The following DGKI variants were observed in gnomAD, a reference collection of about 807,000 sequenced individuals.
DGKI encodes the protein diacylglycerol kinase iota.
A neutral mutation model predicts 147.5 loss-of-function variants in DGKI; 55 were observed. The observed-to-expected ratio is 0.37, with a 90% CI of 0.30 to 0.47. DGKI has a LOEUF of 0.47. Among genes scored for constraint, DGKI ranks in the 20% least tolerant of loss-of-function variants. The pLI is 1.00. For synonymous variants in DGKI, 469 were observed against 477.1 expected (o/e 0.98, Z 0.22); for missense variants, 1,007 against 1,323.8 (o/e 0.76, Z 3.71).
At chr7:137,607,444 T>C (rs1188954105) in intron 10 of DGKI, among the ~76,000 whole-genome samples, 1 of 152,158 alleles carries the variant, frequency 6.6e-6, no homozygotes, top group Non-Finnish European at 1.5e-5. Flanking sequence ...TCATTAATAA[T>C]TTACACATAG....
At chr7:137,634,391 T>C (rs929206339) in intron 6 of DGKI, among the ~76,000 whole-genome samples, 1 of 152,146 alleles carries the variant, frequency 6.6e-6, no homozygotes, top group Admixed American at 6.5e-5. Flanking sequence ...CAACACAGAC[T>C]CTAGGATTCT....
At chr7:137,424,867 G>C (rs539641469) in intron 28 of DGKI, among the ~76,000 whole-genome samples, 3 of 152,242 alleles carry the variant, frequency 2.0e-5, no homozygotes, top group African/African-American at 4.8e-5. Context: ...GGCTTGCTTA[G>C]GTAAACAAAG....
Position 137,549,502 on chromosome 7 carries a change from A to G in DGKI, c.2147+2867T>C, listed in dbSNP as rs754641655. 2.6e-5 allele frequency among the ~76,000 whole-genome samples: 4 copies of G among 152,238 alleles called. No homozygotes were observed. The East Asian group carries it at 7.7e-4, about 29-fold the overall frequency. Reference sequence around the variant, plus strand: ...TCTTACTGGGAACACACACACACACACAGAGGTTTTTAAGCTAAAAATGCT... The same window carrying G: ...TCTTACTGGGAACACACACACACACGCAGAGGTTTTTAAGCTAAAAATGCT... On this transcript the variant is annotated intron_variant, in intron 20 of 32. Transcript: ENST00000614521.
At chr7:137,498,184 G>C (rs1816041187) in intron 21 of DGKI, among the ~76,000 whole-genome samples, 1 of 151,594 alleles carries the variant, frequency 6.6e-6, no homozygotes, top group Admixed American at 6.6e-5. Flanking sequence ...AAAATAAATA[G>C]AGACCTCATT....
chr7:137,842,162 T>C (rs1283240318), intron 1 of DGKI, among the ~76,000 whole-genome samples: 3 of 152,066 alleles, frequency 2.0e-5, no homozygotes, highest in Non-Finnish European at 4.4e-5. Context: ...CAAAATAAAA[T>C]GGATTTACAA....
intron 30 of DGKI, among the ~76,000 whole-genome samples, chr7:137,406,440 C>A (rs977608512): frequency 6.6e-6 from 1 of 152,162 alleles, no homozygotes; most frequent in African/African-American, 2.4e-5. Context: ...TCCAACCCAG[C>A]CTACAAGGAG....
chr7:137,557,298 AC>A (rs1229987490), intron 19 of DGKI, among the ~76,000 whole-genome samples: 3 of 151,530 alleles, frequency 2.0e-5, no homozygotes, highest in African/African-American at 7.3e-5. Flanking sequence ...GTTGGAAAGA[AC>A]AGGGGCAATG....
intron 1 of DGKI, among the ~76,000 whole-genome samples, chr7:137,767,565 G>T (rs944736046): frequency 1.3e-5 from 2 of 151,154 alleles, no homozygotes; most frequent in Non-Finnish European, 2.9e-5. Flanking sequence ...GAAGAGAAGA[G>T]AAGAGAAGGA....
intron 1 of DGKI, among the ~76,000 whole-genome samples, chr7:137,743,749 C>T (rs541630807): frequency 7.8e-4 from 118 of 152,034 alleles, no homozygotes; most frequent in Admixed American, 2.3e-3. Context: ...TTTGGGAGGC[C>T]GAGGCAGGTG....
chr7:137,800,641 T>C (rs58921320), intron 1 of DGKI, among the ~76,000 whole-genome samples: 108 of 152,306 alleles, frequency 7.1e-4, no homozygotes, highest in African/African-American at 2.5e-3. Context: ...TTTACAGCAA[T>C]GCAAGAACTG....
At chr7:137,683,834 A>C (rs914362620) in intron 2 of DGKI, among the ~76,000 whole-genome samples, 1 of 136,530 alleles carries the variant, frequency 7.3e-6, no homozygotes, top group Non-Finnish European at 1.6e-5. Flanking sequence ...AGATCTATTC[A>C]TCTAAGAGTG....
chr7:137,432,483 CTCTT>C (rs1182922889), intron 28 of DGKI, among the ~76,000 whole-genome samples: 1 of 152,170 alleles, frequency 6.6e-6, no homozygotes, highest in Non-Finnish European at 1.5e-5. Context: ...CTCTTCCTGT[CTCTT>C]TCTTTTGTTG....
chr7:137,636,540 C>A (rs1585312117), intron 6 of DGKI, among the ~76,000 whole-genome samples: 1 of 152,294 alleles, frequency 6.6e-6, no homozygotes, highest in African/African-American at 2.4e-5. Flanking sequence ...GCCTGAGCCA[C>A]TCATCTCATT....
At chr7:137,730,917 C>T (rs575240916) in intron 1 of DGKI, among the ~76,000 whole-genome samples, 2 of 152,190 alleles carry the variant, frequency 1.3e-5, no homozygotes, top group Admixed American at 1.3e-4. Context: ...GAGGATAATA[C>T]AGCCTAAGTT....
chr7:137,449,817 A>G (rs1448994767), intron 27 of DGKI, among the ~76,000 whole-genome samples: 1 of 152,226 alleles, frequency 6.6e-6, no homozygotes, highest in Non-Finnish European at 1.5e-5. Context: ...AGCATGCTGA[A>G]AAGATAGCTG....
intron 19 of DGKI, among the ~76,000 whole-genome samples, chr7:137,568,549 C>A (rs1818671808): frequency 1.3e-5 from 2 of 152,286 alleles, no homozygotes; most frequent in South Asian, 4.1e-4. Context: ...CAGATAGACC[C>A]ACCAGCAGAA....
chr7:137,418,028 C>A (rs2128904426), intron 28 of DGKI, among the ~76,000 whole-genome samples: 1 of 152,304 alleles, frequency 6.6e-6, no homozygotes, highest in South Asian at 2.1e-4. Flanking sequence ...CTGTTCCCAC[C>A]ATGCCAGGCC....
intron 8 of DGKI, among the ~76,000 whole-genome samples, chr7:137,615,886 G>A (rs1820514820): frequency 6.6e-6 from 1 of 151,974 alleles, no homozygotes; most frequent in African/African-American, 2.4e-5. Context: ...TAGTTACGTG[G>A]CTACAGCAAG....
intron 1 of DGKI, among the ~76,000 whole-genome samples, chr7:137,826,899 T>C (rs1359226828): frequency 5.3e-5 from 8 of 152,216 alleles, no homozygotes; most frequent in Non-Finnish European, 1.2e-4. Flanking sequence ...TATTCCTTTA[T>C]GTAAAAATGA....
Sources: allele counts gnomAD v4.1 joint callset (sites outside exome capture counted in the v4.1 genomes callset), GRCh38; gene constraint gnomAD v4.1.1; transcripts MANE v1.5; gene names NCBI Gene and HGNC (gene_info 2026-07-23, HGNC 2026-07-21).